The following DNAH6 variants were observed in gnomAD, a reference collection of about 807,000 sequenced individuals.
DNAH6 encodes the protein dynein axonemal heavy chain 6.
Under a neutral mutation model 491.4 loss-of-function variants are expected in DNAH6, and 340 were observed. The observed-to-expected ratio is 0.69, with a 90% CI of 0.63 to 0.76. The LOEUF (loss-of-function observed/expected upper bound fraction) is 0.76, where lower values mean the gene tolerates loss of function less well. DNAH6 is among the 30% of genes least tolerant of loss of function. The pLI, the probability that DNAH6 is intolerant of heterozygous loss-of-function variation, is 0.00. For synonymous variants in DNAH6, 1,603 were observed against 1,686.1 expected (o/e 0.95, Z 1.21); for missense variants, 4,443 against 4,972.2 (o/e 0.89, Z 3.20).
intron 57 of DNAH6, 146 bp from the exon 58 acceptor site, chr2:84,715,414 A>T: frequency 1.5e-6 from 1 of 648,064 alleles, no homozygotes; most frequent in Non-Finnish European, 2.6e-6. Context: ...GCCACAGTAC[A>T]CCTAAAGTAT....
At chr2:84,723,494 G>A (rs922445797) in intron 60 of DNAH6, among the ~76,000 whole-genome samples, 1 of 152,058 alleles carries the variant, frequency 6.6e-6, no homozygotes, top group African/African-American at 2.4e-5. Flanking sequence ...TTTTTTAAGA[G>A]TCACAGCTGA....
chr2:84,692,292 G>T (rs1694933339), intron 45 of DNAH6, among the ~76,000 whole-genome samples: 1 of 152,162 alleles, frequency 6.6e-6, no homozygotes, highest in African/African-American at 2.4e-5. Flanking sequence ...GAAATAGTTA[G>T]CAATGGTTTT....
intron 17 of DNAH6, among the ~76,000 whole-genome samples, chr2:84,595,006 T>C (rs1194982720): frequency 6.6e-6 from 1 of 152,156 alleles, no homozygotes; most frequent in Non-Finnish European, 1.5e-5. Context: ...GCTTAAAGGA[T>C]TTTCTGATTA....
At chr2:84,520,434 AT>A (rs1410149588) in intron 2 of DNAH6, among the ~76,000 whole-genome samples, 1 of 152,034 alleles carries the variant, frequency 6.6e-6, no homozygotes, top group Non-Finnish European at 1.5e-5. Context: ...TTTAACGTTT[AT>A]TTTAGATTCA....
At chr2:84,760,536 C>T (rs1031304801) in intron 63 of DNAH6, among the ~76,000 whole-genome samples, 1 of 151,922 alleles carries the variant, frequency 6.6e-6, no homozygotes, top group Non-Finnish European at 1.5e-5. Flanking sequence ...ATACAAATGG[C>T]TAACAGGTAT....
chr2:84,544,817 G>C (rs192576149), intron 5 of DNAH6, among the ~76,000 whole-genome samples: 1 of 152,142 alleles, frequency 6.6e-6, no homozygotes, highest in Non-Finnish European at 1.5e-5. Flanking sequence ...TTTGAGCAGA[G>C]TAGGCTGGTA....
At chr2:84,750,678 A>T (rs1271145168) in intron 63 of DNAH6, 1 of 152,126 alleles carries the variant, frequency 6.6e-6, no homozygotes, top group Non-Finnish European at 1.5e-5. Context: ...CAAGTTCACT[A>T]TTCTCTCATT....
At chr2:84,662,594 A>G (rs1379184453) in intron 37 of DNAH6, among the ~76,000 whole-genome samples, 1 of 152,164 alleles carries the variant, frequency 6.6e-6, no homozygotes, top group Non-Finnish European at 1.5e-5. Flanking sequence ...TAGGTAAACA[A>G]AGTGGCCAGA....
chr2:84,509,256 A>G, the DNAH6 span, among the ~76,000 whole-genome samples: 1 of 152,120 alleles, frequency 6.6e-6, no homozygotes, highest in Non-Finnish European at 1.5e-5. Flanking sequence ...GTGCTCCTGT[A>G]TTGGGTGCAT....
intron 67 of DNAH6, 83 bp downstream of exon 67, chr2:84,785,839 A>G: frequency 7.5e-7 from 1 of 1,329,350 alleles, no homozygotes; most frequent in Non-Finnish European, 9.9e-7. Context: ...GAAAGCTTAT[A>G]AATGTCATTG....
upstream of DNAH6, among the ~76,000 whole-genome samples, chr2:84,514,867 TCACACA>T (rs58335460): frequency 7.2e-5 from 10 of 139,006 alleles, no homozygotes; most frequent in Admixed American, 1.4e-4. Flanking sequence ...TTCACCACAG[TCACACA>T]CACACACACA....
At chr2:84,772,099 A>G (rs1345538940) in intron 64 of DNAH6, among the ~76,000 whole-genome samples, 1 of 152,190 alleles carries the variant, frequency 6.6e-6, no homozygotes, top group Non-Finnish European at 1.5e-5. Flanking sequence ...GTAGTAGCAA[A>G]TTTTTTATAC....
chr2:84,518,759 G>A (rs1396066238), intron 2 of DNAH6, among the ~76,000 whole-genome samples: 1 of 152,040 alleles, frequency 6.6e-6, no homozygotes, highest in Admixed American at 6.6e-5. Flanking sequence ...CAAAGCAAAT[G>A]AACAAATATA....
chr2:84,468,907 A>G, the DNAH6 span, among the ~76,000 whole-genome samples: 8 of 152,212 alleles, frequency 5.3e-5, no homozygotes, highest in African/African-American at 1.9e-4. Flanking sequence ...TTCCAAGGAC[A>G]TATAATGAGG....
chr2:84,524,305 A>G (rs1314911918), intron 2 of DNAH6, among the ~76,000 whole-genome samples: 2 of 150,604 alleles, frequency 1.3e-5, no homozygotes, highest in South Asian at 2.1e-4. Flanking sequence ...TGCTTGGTAG[A>G]TTTTCCTCCA....
chr2:84,602,482 CTTTTTTTT>C (rs3029846), intron 18 of DNAH6, among the ~76,000 whole-genome samples: 2 of 32,000 alleles, frequency 6.3e-5, no homozygotes, highest in African/African-American at 1.4e-4. Flanking sequence ...TGTTGTGTCC[CTTTTTTTT>C]TTTTTTTTTT....
chr2:84,816,183 C>A, intron 76 of DNAH6, 100 bp downstream of exon 76: 2 of 910,670 alleles, frequency 2.2e-6, no homozygotes, highest in Non-Finnish European at 3.3e-6. Context: ...TCCCTTGGGC[C>A]AATAAACTAG....
intron 49 of DNAH6, among the ~76,000 whole-genome samples, chr2:84,701,554 A>G (rs1008471659): frequency 6.6e-6 from 1 of 152,190 alleles, no homozygotes; most frequent in African/African-American, 2.4e-5. Context: ...TAGTGCTGGC[A>G]TCTGCTCAGC....
intron 58 of DNAH6, among the ~76,000 whole-genome samples, chr2:84,716,594 C>A (rs1192345): frequency 0.11 from 16,588 of 152,164 alleles, 1,134 homozygotes; most frequent in African/African-American, 0.19. Context: ...ACTAGGTTAA[C>A]TTCTTTCCAA....
Sources: allele counts gnomAD v4.1 joint callset (sites outside exome capture counted in the v4.1 genomes callset), GRCh38; gene constraint gnomAD v4.1.1; transcripts MANE v1.5; gene names NCBI Gene and HGNC (gene_info 2026-07-23, HGNC 2026-07-21).